The following ARK2N variants were observed in gnomAD, a reference collection of about 807,000 sequenced individuals.
ARK2N encodes protein ARK2N.
chr18:46,219,632 G>A, the ARK2N span, among the ~76,000 whole-genome samples: 1 of 152,074 alleles, frequency 6.6e-6, no homozygotes, highest in Non-Finnish European at 1.5e-5. Context: ...ACCATGCCCA[G>A]CTAATTTTTT....
chr18:46,194,338 C>A, the ARK2N span, among the ~76,000 whole-genome samples: 1 of 151,882 alleles, frequency 6.6e-6, no homozygotes, highest in Non-Finnish European at 1.5e-5. Flanking sequence ...CGGGGGCTCA[C>A]GCCTGTAATC....
At chr18:46,247,620 T>A in the ARK2N span, among the ~76,000 whole-genome samples, 1 of 152,256 alleles carries the variant, frequency 6.6e-6, no homozygotes, top group East Asian at 1.9e-4. Context: ...CCCCTTACTG[T>A]GAGTCTGCCA....
the ARK2N span, among the ~76,000 whole-genome samples, chr18:46,195,512 G>A: frequency 7.0e-6 from 1 of 143,566 alleles, no homozygotes; most frequent in African/African-American, 2.7e-5. Flanking sequence ...GCCTCCCAAA[G>A]TGCTGGAATT....
chr18:46,242,925 A>G, the ARK2N span, among the ~76,000 whole-genome samples: 11 of 152,136 alleles, frequency 7.2e-5, no homozygotes, highest in Admixed American at 3.9e-4. Flanking sequence ...GTATATGTAT[A>G]TGATAATTTC....
the ARK2N span, among the ~76,000 whole-genome samples, chr18:46,180,697 C>CT: frequency 1.3e-5 from 2 of 149,974 alleles, no homozygotes; most frequent in Non-Finnish European, 2.9e-5. Context: ...GAGGGAAACT[C>CT]TGTCTCAAAA....
At chr18:46,243,561 G>A in the ARK2N span, among the ~76,000 whole-genome samples, 6 of 152,176 alleles carry the variant, frequency 3.9e-5, no homozygotes, top group Admixed American at 3.9e-4. Context: ...CTAGGCAAAA[G>A]ACTTGAACCA....
the ARK2N span, among the ~76,000 whole-genome samples, chr18:46,176,908 G>A: frequency 1.3e-5 from 2 of 152,048 alleles, no homozygotes; most frequent in African/African-American, 4.8e-5. Flanking sequence ...GAGCCACCAC[G>A]GCTGGCTAAT....
chr18:46,181,273 G>C, the ARK2N span, among the ~76,000 whole-genome samples: 33 of 151,980 alleles, frequency 2.2e-4, no homozygotes, highest in African/African-American at 7.5e-4. Flanking sequence ...GAGGTGGGGG[G>C]GGAAATGTCG....
At chr18:46,245,585 A>G in the ARK2N span, among the ~76,000 whole-genome samples, 4 of 151,396 alleles carry the variant, frequency 2.6e-5, no homozygotes, top group African/African-American at 4.8e-5. Context: ...AAAAAAAAAA[A>G]AAAGAAAGAA....
chr18:46,261,916 G>A, the ARK2N span, among the ~76,000 whole-genome samples: 1 of 152,194 alleles, frequency 6.6e-6, no homozygotes, highest in Admixed American at 6.5e-5. Flanking sequence ...ATCTGGTGGT[G>A]TAGGTAGCAT....
the ARK2N span, chr18:46,264,219 G>A: frequency 9.8e-5 from 15 of 152,778 alleles, no homozygotes; most frequent in Admixed American, 9.8e-4. Flanking sequence ...AAGTTTTACA[G>A]AGTCTAAAAG....
chr18:46,258,458 G>A, the ARK2N span, among the ~76,000 whole-genome samples: 2 of 152,040 alleles, frequency 1.3e-5, no homozygotes, highest in African/African-American at 4.8e-5. Context: ...GTGTGTGCGC[G>A]CACACACTTC....
At chr18:46,202,803 A>T in the ARK2N span, among the ~76,000 whole-genome samples, 1 of 138,092 alleles carries the variant, frequency 7.2e-6, no homozygotes, top group African/African-American at 2.8e-5. Flanking sequence ...AATAAAAATT[A>T]AAAAAAAAAA....
chr18:46,194,461 TTTTTGTTTTTTTTTTTG>T, the ARK2N span, among the ~76,000 whole-genome samples: 1 of 150,576 alleles, frequency 6.6e-6, no homozygotes, highest in Admixed American at 6.6e-5. Context: ...CAGAATCTTT[TTTTTGTTTTTTTTTTTG>T]TTTGTTTTTT....
chr18:46,182,020 CA>C, the ARK2N span, among the ~76,000 whole-genome samples: 1 of 152,222 alleles, frequency 6.6e-6, no homozygotes, highest in African/African-American at 2.4e-5. Flanking sequence ...ATGACCTTTA[CA>C]ATAATGTCTG....
chr18:46,209,811 G>A, the ARK2N span, among the ~76,000 whole-genome samples: 54 of 152,220 alleles, frequency 3.5e-4, no homozygotes, highest in East Asian at 0.01. Flanking sequence ...GGCCAGGGTG[G>A]TCTTGAACCC....
chr18:46,250,675 C>T, the ARK2N span, among the ~76,000 whole-genome samples: 1 of 152,062 alleles, frequency 6.6e-6, no homozygotes, highest in Non-Finnish European at 1.5e-5. Context: ...AAATGCAAAA[C>T]CAGATGACGT....
the ARK2N span, among the ~76,000 whole-genome samples, chr18:46,181,229 C>T: frequency 1.9e-4 from 29 of 152,152 alleles, no homozygotes; most frequent in African/African-American, 7.0e-4. Flanking sequence ...CATTGCACTC[C>T]AGCTCTGGGC....
At chr18:46,223,248 A>C in the ARK2N span, among the ~76,000 whole-genome samples, 1 of 152,238 alleles carries the variant, frequency 6.6e-6, no homozygotes, top group African/African-American at 2.4e-5. Context: ...CCATAAGCTA[A>C]ACATACTAAC....
Sources: gnomAD v4.1 joint callset for allele counts (sites outside exome capture counted in the v4.1 genomes callset) on GRCh38, gnomAD v4.1.1 for gene constraint, MANE v1.5 for transcripts, NCBI Gene and HGNC (gene_info 2026-07-23, HGNC 2026-07-21) for gene names.